Variants in MYH15 observed in about 807,000 individuals in gnomAD.
MYH15 encodes myosin-15.
A neutral mutation model predicts 240.5 loss-of-function variants in MYH15; 227 were observed. The observed-to-expected ratio is 0.94, with a 90% CI of 0.85 to 1.05. The LOEUF (loss-of-function observed/expected upper bound fraction) is 1.05. MYH15 is among the 50% of genes least tolerant of loss of function. The pLI is 0.00. For missense variants in MYH15, 2,217 were observed against 2,247.5 expected, an observed-to-expected ratio of 0.99 and a Z score of 0.27; for synonymous variants, 785 against 796.7, an observed-to-expected ratio of 0.99 and a Z score of 0.25.
Position 108,405,412 on chromosome 3 carries a change from C to T in MYH15, c.4662G>A (p.Gln1554=). 2 of 1,531,430 alleles carry T rather than the reference C, an allele frequency of 1.3e-6. No individual in the cohort carries two copies. The highest frequency in any genetic ancestry group is 1.3e-5 in the South Asian group (1 of 77,672). 94.9% of individuals were successfully genotyped at this position (1,531,430 alleles called of 1,614,324 possible). The change falls in exon 33 of 41, where the codon CAG becomes CAA. Residue 1554 remains glutamine, a synonymous_variant. Transcript: ENST00000693548. ...CTGCTTTAGCTTCCAAGAGTTCAAG[C>T]TGGAAATGAAGAATCTTGCTTTCAT... ...ERNESKILHF[Q]LELLEAKAEL... is the part of the protein sequence containing the mutation.
intron 30 of MYH15, among the ~76,000 whole-genome samples, chr3:108,413,105 C>T (rs537170937): frequency 1.2e-4 from 19 of 152,242 alleles, no homozygotes; most frequent in Admixed American, 1.1e-3. Context: ...AACCATCAAA[C>T]AGAATGATAG....
chr3:108,402,220 C>A (rs1300474904), intron 33 of MYH15, among the ~76,000 whole-genome samples: 2 of 152,126 alleles, frequency 1.3e-5, no homozygotes, highest in East Asian at 3.8e-4. Flanking sequence ...TTCAAAGACA[C>A]TCGAAAATAT....
intron 37 of MYH15, among the ~76,000 whole-genome samples, chr3:108,389,716 G>A (rs1420072229): frequency 6.6e-6 from 1 of 152,218 alleles, no homozygotes; most frequent in African/African-American, 2.4e-5. Context: ...GTAAAATGTA[G>A]GCTATGTTGA....
At chr3:108,475,936 C>T (rs1475896516) in intron 12 of MYH15, among the ~76,000 whole-genome samples, 1 of 152,212 alleles carries the variant, frequency 6.6e-6, no homozygotes, top group Non-Finnish European at 1.5e-5. Flanking sequence ...GTTTTCAACA[C>T]ACACCTCCTT....
intron 26 of MYH15, among the ~76,000 whole-genome samples, chr3:108,430,134 G>A (rs1466418158): frequency 6.6e-6 from 1 of 152,150 alleles, no homozygotes; most frequent in Non-Finnish European, 1.5e-5. Context: ...ACAAAACATT[G>A]AGACTGGTTT....
Position 108,414,423 on chromosome 3 carries a change from C to T in MYH15, c.3954G>A (p.Gln1318=), listed in dbSNP as rs185780551. Residue 1318 remains glutamine, a synonymous_variant, in exon 30 of 41, where the codon CAG becomes CAA. Transcript: ENST00000693548. ...TCTGCAGGGCATGGGCCAGGGCACT[C>T]TGGGACTGTAGGGGACACACATTAA... ...RGQLEKETKS[Q]SALAHALQKA... The T allele has an allele frequency of 6.2e-7, 1 of 1,613,572 alleles. No homozygotes were observed. The highest frequency in any genetic ancestry group is 1.7e-5 in the Admixed American group (1 of 60,008).
chr3:108,484,166 T>A (rs1336662693), intron 11 of MYH15, among the ~76,000 whole-genome samples: 3 of 152,206 alleles, frequency 2.0e-5, no homozygotes, highest in Non-Finnish European at 4.4e-5. Context: ...TTTCTCTTTT[T>A]GTTTCGGTTG....
chr3:108,451,773 C>A (rs1392603715), intron 21 of MYH15, among the ~76,000 whole-genome samples: 1 of 152,112 alleles, frequency 6.6e-6, no homozygotes, highest in Non-Finnish European at 1.5e-5. Context: ...GGTGATATTA[C>A]AATCAAACCC....
chr3:108,541,967 C>T, the MYH15 span, among the ~76,000 whole-genome samples: 1 of 152,046 alleles, frequency 6.6e-6, no homozygotes, highest in Non-Finnish European at 1.5e-5. Context: ...TGCATTATCT[C>T]TTTAAGAATA....
chr3:108,450,739 T>C (rs2082965579), intron 21 of MYH15, among the ~76,000 whole-genome samples: 2 of 152,214 alleles, frequency 1.3e-5, no homozygotes. Context: ...AGGTGATGAT[T>C]AATCAGTTTG....
At chr3:108,394,323 T>C (rs1170193306) in intron 35 of MYH15, among the ~76,000 whole-genome samples, 167 bp from the exon 36 acceptor site, 1 of 152,144 alleles carries the variant, frequency 6.6e-6, no homozygotes, top group Non-Finnish European at 1.5e-5. Context: ...GCTTTTGCCA[T>C]CAAACTTGAA....
intron 29 of MYH15, 78 bp downstream of exon 29, chr3:108,416,734 G>T: frequency 8.5e-7 from 1 of 1,178,360 alleles, no homozygotes; most frequent in Non-Finnish European, 1.2e-6. Flanking sequence ...AACATCTTCA[G>T]GCTGATTCAT....
intron 3 of MYH15, among the ~76,000 whole-genome samples, chr3:108,500,490 C>T (rs1329403487): frequency 6.6e-6 from 1 of 152,112 alleles, no homozygotes; most frequent in Non-Finnish European, 1.5e-5. Flanking sequence ...TCCTGGGAGA[C>T]CTGCTAATTA....
chr3:108,382,402 T>C (rs758871854), intron 40 of MYH15, among the ~76,000 whole-genome samples: 19 of 152,192 alleles, frequency 1.2e-4, no homozygotes, highest in Non-Finnish European at 2.8e-4. Context: ...AAAGAGATGC[T>C]TTTGACCTCC....
chr3:108,435,273 A>G (rs1216756261), intron 25 of MYH15, among the ~76,000 whole-genome samples: 1 of 152,194 alleles, frequency 6.6e-6, no homozygotes, highest in East Asian at 1.9e-4. Flanking sequence ...TTTCCTAAGA[A>G]TTATTGACTG....
chr3:108,395,731 T>C (rs1284541089), intron 35 of MYH15, among the ~76,000 whole-genome samples: 2 of 151,110 alleles, frequency 1.3e-5, no homozygotes, highest in Non-Finnish European at 2.9e-5. Flanking sequence ...ACACCTGTAA[T>C]CAGTCAAAGA....
At chr3:108,420,436 G>A (rs2082673193) in intron 28 of MYH15, among the ~76,000 whole-genome samples, 1 of 152,208 alleles carries the variant, frequency 6.6e-6, no homozygotes, top group South Asian at 2.1e-4. Flanking sequence ...GGCCTATCCT[G>A]ACTTTGCCCA....
Position 108,405,434 on chromosome 3 carries a change from T to C in MYH15, c.4640A>G (p.Glu1547Gly). 6.6e-7 allele frequency: 1 copy of C among 1,524,142 alleles called. No homozygotes were observed. The highest frequency in any genetic ancestry group is 8.9e-7 in the Non-Finnish European group (1 of 1,119,826). The allele number at this position is 1,524,142 out of a possible 1,614,324, so 94.4% of individuals were successfully genotyped here. A position where few individuals can be genotyped will look rare whatever the true frequency, so the allele number is the denominator to read the frequency against. ...AAGCTGGAAATGAAGAATCTTGCTT[T>C]CATTACGTTCCAGGGCTCCCTGGAA... ...EETEGALERN[E>G]SKILHFQLEL... is the part of the protein sequence containing the mutation. Residue 1547 changes from glutamate to glycine, a missense_variant, in exon 33 of 41, where the codon GAA (glutamate) becomes GGA (glycine). Physicochemically the swap from Glu to Gly is moderately conservative, Grantham distance 98. Transcript: ENST00000693548.
exon 1 of MYH15, chr3:108,529,285 G>A (rs768012992): frequency 1.9e-6 from 3 of 1,591,210 alleles, no homozygotes; most frequent in African/African-American, 2.7e-5. Context: ...GGTAAGATGA[G>A]GTAAATACAA....
Sources: gnomAD v4.1 joint callset for allele counts (sites outside exome capture counted in the v4.1 genomes callset) on GRCh38, gnomAD v4.1.1 for gene constraint, MANE v1.5 for transcripts, NCBI Gene and HGNC (gene_info 2026-07-23, HGNC 2026-07-21) for gene names.